The following VPS45 variants were observed in gnomAD, a reference collection of about 807,000 sequenced individuals.
VPS45 encodes vacuolar protein sorting-associated protein 45.
In VPS45, 35 loss-of-function variants were observed where a neutral mutation model predicts 75.9. The observed-to-expected ratio is 0.46, with a 90% confidence interval of 0.35 to 0.61. The LOEUF (loss-of-function observed/expected upper bound fraction) is 0.61. Among genes scored for constraint, VPS45 ranks in the 20% least tolerant of loss-of-function variants. The pLI, the probability that VPS45 is intolerant of heterozygous loss-of-function variation, is 0.00. For missense variants in VPS45, 559 were observed against 685.9 expected, an observed-to-expected ratio of 0.81 and a Z score of 2.07; for synonymous variants, 220 against 238.2, an observed-to-expected ratio of 0.92 and a Z score of 0.70.
At chr1:150,091,027 C>G (rs1316526468) in intron 10 of VPS45, among the ~76,000 whole-genome samples, 1 of 152,172 alleles carries the variant, frequency 6.6e-6, no homozygotes, top group African/African-American at 2.4e-5. Flanking sequence ...CCTATCCATT[C>G]TGGAAAAATT....
At chr1:150,115,864 G>A (rs1202798753) in intron 14 of VPS45, among the ~76,000 whole-genome samples, 2 of 152,000 alleles carry the variant, frequency 1.3e-5, no homozygotes, top group Non-Finnish European at 2.9e-5. Flanking sequence ...GACCCTCTGT[G>A]GCTACTAAAA....
intron 14 of VPS45, among the ~76,000 whole-genome samples, chr1:150,112,146 TA>T (rs2101612172): frequency 6.6e-6 from 1 of 152,246 alleles, no homozygotes; most frequent in Admixed American, 6.5e-5. Context: ...ACAATTGAAG[TA>T]TTCCTTTTTT....
chr1:150,101,381 T>C (rs1330575389), intron 13 of VPS45, among the ~76,000 whole-genome samples: 1 of 150,896 alleles, frequency 6.6e-6, no homozygotes, highest in East Asian at 1.9e-4. Context: ...ATTAGAGAAA[T>C]GCAAATCAAA....
intron 13 of VPS45, chr1:150,098,958 T>C: frequency 8.6e-7 from 1 of 1,167,764 alleles, no homozygotes; most frequent in South Asian, 1.6e-5. Flanking sequence ...GAAGTACTTT[T>C]CATGTTTATA....
At chr1:150,098,328 T>A (rs1656788035) in intron 13 of VPS45, among the ~76,000 whole-genome samples, 1 of 152,262 alleles carries the variant, frequency 6.6e-6, no homozygotes, top group South Asian at 2.1e-4. Flanking sequence ...TTTAACACAG[T>A]GATTTACAAA....
At chr1:150,068,065 TTG>T (rs1257569976) in intron 1 of VPS45, 115 bp downstream of exon 1, 1 of 1,097,228 alleles carries the variant, frequency 9.1e-7, no homozygotes, top group Non-Finnish European at 1.3e-6. Context: ...GAGGGTCGGT[TTG>T]TGTGGAATTG....
intron 10 of VPS45, among the ~76,000 whole-genome samples, chr1:150,084,845 A>G (rs1415021806): frequency 6.6e-6 from 1 of 152,108 alleles, no homozygotes; most frequent in Non-Finnish European, 1.5e-5. Context: ...CGATGATTCA[A>G]TGAGATATGT....
intron 14 of VPS45, among the ~76,000 whole-genome samples, chr1:150,121,515 C>G (rs1658230102): frequency 6.6e-6 from 1 of 152,152 alleles, no homozygotes; most frequent in African/African-American, 2.4e-5. Context: ...ACTTTTCTTC[C>G]TCTTACTACC....
In VPS45 at chr1:150,145,073, T is replaced by A; in HGVS notation, c.*277T>A. 1 of 779,294 alleles carries A rather than the reference T, an allele frequency of 1.3e-6. No homozygotes were observed. Among genetic ancestry groups the A allele is most frequent in the South Asian group, 1.9e-5 (1 of 54,048 alleles). 48.3% of individuals were successfully genotyped at this position (779,294 alleles called of 1,614,324 possible). A position where few individuals can be genotyped will look rare whatever the true frequency, so the allele number is the denominator to read the frequency against. ...CTGATGAATTTTGTTGGGATCTGACTTGGGGAAAGGGTTATCAGAGCCTAG... is the reference window on the plus strand; with the variant it reads ...CTGATGAATTTTGTTGGGATCTGACATGGGGAAAGGGTTATCAGAGCCTAG... On this transcript the variant is annotated 3_prime_UTR_variant, in exon 15 of 15. Coordinates refer to ENST00000644510, the MANE Select transcript of VPS45 (RefSeq NM_007259.5).
At chr1:150,113,046 A>T (rs1001395884) in intron 14 of VPS45, among the ~76,000 whole-genome samples, 1 of 152,158 alleles carries the variant, frequency 6.6e-6, no homozygotes, top group Non-Finnish European at 1.5e-5. Flanking sequence ...AGGTTTCGTT[A>T]TGTGGGCATG....
At chr1:150,125,175 AT>A (rs1553810458) in intron 14 of VPS45, among the ~76,000 whole-genome samples, 1 of 150,740 alleles carries the variant, frequency 6.6e-6, no homozygotes, top group Non-Finnish European at 1.5e-5. Flanking sequence ...TTACACATTT[AT>A]TAGGTACAGA....
chr1:150,082,078 G>T, intron 9 of VPS45, 81 bp downstream of exon 9: 9 of 835,882 alleles, frequency 1.1e-5, no homozygotes, highest in South Asian at 3.5e-5. Context: ...GAATCTTCTG[G>T]GTCTAATTTC....
At chr1:150,117,796 C>G (rs113082139) in intron 14 of VPS45, among the ~76,000 whole-genome samples, 2 of 149,754 alleles carry the variant, frequency 1.3e-5, no homozygotes, top group Non-Finnish European at 3.0e-5. Flanking sequence ...GAGGCGGAGG[C>G]TGTAGTAAGC....
chr1:150,105,364 G>A (rs1657264655), intron 13 of VPS45, among the ~76,000 whole-genome samples: 1 of 152,152 alleles, frequency 6.6e-6, no homozygotes, highest in Non-Finnish European at 1.5e-5. Context: ...TATATACTTA[G>A]AAAACCCTAA....
At chr1:150,078,975 G>A (rs587715001) in intron 7 of VPS45, among the ~76,000 whole-genome samples, 2 of 151,782 alleles carry the variant, frequency 1.3e-5, no homozygotes, top group Non-Finnish European at 2.9e-5. Context: ...GCTGGACGTG[G>A]TGGCAGATGC....
At position 150,081,932 on chromosome 1, in the gene VPS45, A is replaced by G; in HGVS notation, c.871A>G (p.Met291Val). The stretch of plus-strand genomic sequence containing the variant: ...GATTGGTAGCAATATAAAGAATCTC[A>G]TGGAAGATTTTCAGAAGAAGAAACC... ...AEIGSNIKNLMEDFQKKKPKE... is the reference protein window; with the variant it reads ...AEIGSNIKNLVEDFQKKKPKE... The change falls in exon 9 of 15, where the codon ATG (methionine) becomes GTG (valine). Residue 291 changes from methionine (M) to valine (V), a missense_variant. By Grantham distance (21) the Met-to-Val change is conservative. Coordinates refer to ENST00000644510, the MANE Select transcript of VPS45 (RefSeq NM_007259.5). 1 of 1,613,354 alleles carries G rather than the reference A, an allele frequency of 6.2e-7. No homozygotes were observed. The highest frequency in any genetic ancestry group is 8.5e-7 in the Non-Finnish European group (1 of 1,179,514).
chr1:150,142,973 T>C, intron 14 of VPS45: 1 of 333,044 alleles, frequency 3.0e-6, no homozygotes, highest in Non-Finnish European at 6.1e-6. Context: ...TTTTATATTA[T>C]AAAGAAGGCT....
intron 14 of VPS45, among the ~76,000 whole-genome samples, chr1:150,122,988 C>A (rs1204164211): frequency 2.1e-3 from 262 of 126,430 alleles, no homozygotes; most frequent in East Asian, 5.5e-3. Flanking sequence ...AACTCCTTCT[C>A]AAAAAAAAAA....
chr1:150,082,252 A>G (rs1332370366), intron 9 of VPS45, among the ~76,000 whole-genome samples: 1 of 152,242 alleles, frequency 6.6e-6, no homozygotes, highest in East Asian at 1.9e-4. Context: ...CACGCCTGTA[A>G]TCCCAGCACT....
Sources: gnomAD v4.1 joint callset for allele counts (sites outside exome capture counted in the v4.1 genomes callset) on GRCh38, gnomAD v4.1.1 for gene constraint, MANE v1.5 for transcripts, NCBI Gene and HGNC (gene_info 2026-07-23, HGNC 2026-07-21) for gene names.